The following GLIS3 variants were observed in gnomAD, a reference collection of about 807,000 sequenced individuals.
GLIS3 encodes zinc finger protein GLIS3.
A neutral mutation model predicts 78.6 loss-of-function variants in GLIS3; 53 were observed. The observed-to-expected ratio is 0.67, with a 90% CI of 0.54 to 0.85. GLIS3 has a LOEUF of 0.85. GLIS3 is among the 40% of genes least tolerant of loss of function. The pLI is 0.00. For synonymous variants in GLIS3, 684 were observed against 509.9 expected, an observed-to-expected ratio of 1.34 and a Z score of -4.60; for missense variants, 1,703 against 1,231.1, an observed-to-expected ratio of 1.38 and a Z score of -5.74.
At chr9:4,197,952 G>C (rs1487923274) in intron 2 of GLIS3, among the ~76,000 whole-genome samples, 2 of 151,908 alleles carry the variant, frequency 1.3e-5, no homozygotes, top group South Asian at 2.1e-4. Flanking sequence ...GAAAGAGAAA[G>C]AGACAAAAAG....
intron 4 of GLIS3, among the ~76,000 whole-genome samples, chr9:4,093,707 G>C (rs546250260): frequency 6.6e-6 from 1 of 152,248 alleles, no homozygotes; most frequent in East Asian, 1.9e-4. Flanking sequence ...TAACCCACTG[G>C]CTGAGTTTGA....
At chr9:4,123,338 G>C (rs1231725987) in intron 3 of GLIS3, among the ~76,000 whole-genome samples, 1 of 152,128 alleles carries the variant, frequency 6.6e-6, no homozygotes, top group African/African-American at 2.4e-5. Context: ...TAAATTGCTA[G>C]TGAGTTCCTG....
intron 2 of GLIS3, among the ~76,000 whole-genome samples, chr9:4,149,073 G>A (rs1444279469): frequency 6.6e-6 from 1 of 152,094 alleles, no homozygotes; most frequent in Non-Finnish European, 1.5e-5. Flanking sequence ...CTATCAACAT[G>A]GTGATCATGC....
At chr9:4,064,969 G>C (rs1297753468) in intron 4 of GLIS3, among the ~76,000 whole-genome samples, 1 of 152,102 alleles carries the variant, frequency 6.6e-6, no homozygotes, top group African/African-American at 2.4e-5. Flanking sequence ...CATCCTCCAG[G>C]GGCAGGGCAA....
chr9:4,416,684 G>C, the GLIS3 span, among the ~76,000 whole-genome samples: 3 of 151,818 alleles, frequency 2.0e-5, no homozygotes, highest in South Asian at 6.2e-4. Flanking sequence ...ACTTCCTCTG[G>C]GACACCTTCC....
At chr9:4,463,766 C>A in the GLIS3 span, among the ~76,000 whole-genome samples, 2 of 152,192 alleles carry the variant, frequency 1.3e-5, no homozygotes, top group Admixed American at 6.5e-5. Context: ...CTACTTTACA[C>A]AGTTTTCTCC....
At chr9:4,197,788 C>T (rs1262916162) in intron 2 of GLIS3, among the ~76,000 whole-genome samples, 1 of 152,144 alleles carries the variant, frequency 6.6e-6, no homozygotes, top group African/African-American at 2.4e-5. Flanking sequence ...TACTCATCTG[C>T]GCCATCTACT....
chr9:4,490,351 T>C, the GLIS3 span: 1 of 183,624 alleles, frequency 5.4e-6, no homozygotes, highest in Non-Finnish European at 1.1e-5. Flanking sequence ...ACCCCGGGCG[T>C]CCCACGCACG....
intron 4 of GLIS3, among the ~76,000 whole-genome samples, chr9:4,017,518 A>G (rs1294415946): frequency 6.6e-6 from 1 of 152,174 alleles, no homozygotes; most frequent in Non-Finnish European, 1.5e-5. Flanking sequence ...AGGCAAACAT[A>G]AGCAACTGGA....
chr9:3,856,793 A>G (rs189236385), intron 8 of GLIS3, among the ~76,000 whole-genome samples: 1 of 152,312 alleles, frequency 6.6e-6, no homozygotes, highest in East Asian at 1.9e-4. Context: ...CGTGCTTGGC[A>G]AAGAGTGTTC....
chr9:4,076,482 C>A (rs780385887), intron 4 of GLIS3, among the ~76,000 whole-genome samples: 1 of 151,980 alleles, frequency 6.6e-6, no homozygotes, highest in Non-Finnish European at 1.5e-5. Flanking sequence ...TTCTTTCTTA[C>A]AAAAGGAAAA....
intron 7 of GLIS3, among the ~76,000 whole-genome samples, chr9:3,897,134 T>A (rs1436203545): frequency 6.6e-6 from 1 of 152,160 alleles, no homozygotes; most frequent in South Asian, 2.1e-4. Flanking sequence ...TCCATAGATA[T>A]GGATAGCATT....
intron 2 of GLIS3, among the ~76,000 whole-genome samples, chr9:4,129,725 C>G (rs185534218): frequency 3.3e-5 from 5 of 152,240 alleles, no homozygotes; most frequent in African/African-American, 7.2e-5. Context: ...TCGGGTATTT[C>G]TTTATAGCAA....
chr9:4,291,773 C>T (rs78587148), intron 1 of GLIS3, among the ~76,000 whole-genome samples: 68 of 152,234 alleles, frequency 4.5e-4, no homozygotes, highest in African/African-American at 1.5e-3. Flanking sequence ...AGGAATACAC[C>T]GCTCGAGGGC....
At chr9:4,100,390 G>A (rs1002152663) in intron 4 of GLIS3, among the ~76,000 whole-genome samples, 1 of 152,110 alleles carries the variant, frequency 6.6e-6, no homozygotes, top group Admixed American at 6.6e-5. Context: ...TTTTAAATGG[G>A]GGAGTACAAC....
chr9:4,063,928 A>G (rs546257105), intron 4 of GLIS3, among the ~76,000 whole-genome samples: 21 of 152,218 alleles, frequency 1.4e-4, no homozygotes, highest in African/African-American at 4.8e-4. Context: ...AATCATAAGT[A>G]AAGAAGAACA....
chr9:4,489,462 T>A, the GLIS3 span, among the ~76,000 whole-genome samples: 1 of 152,138 alleles, frequency 6.6e-6, no homozygotes, highest in Non-Finnish European at 1.5e-5. Context: ...CCAGGCTCAC[T>A]TAACTTTAGG....
chr9:4,012,779 T>C (rs1263171962), intron 4 of GLIS3, among the ~76,000 whole-genome samples: 1 of 145,022 alleles, frequency 6.9e-6, no homozygotes, highest in Non-Finnish European at 1.5e-5. Context: ...TTTTTTTTTT[T>C]TTTTTTTTTT....
At chr9:4,026,820 A>T (rs1012455965) in intron 4 of GLIS3, among the ~76,000 whole-genome samples, 12 of 152,218 alleles carry the variant, frequency 7.9e-5, no homozygotes, top group African/African-American at 2.9e-4. Flanking sequence ...CTATTGGCCA[A>T]ACACTGTAAA....
Sources: gnomAD v4.1 joint callset for allele counts (sites outside exome capture counted in the v4.1 genomes callset) on GRCh38, gnomAD v4.1.1 for gene constraint, MANE v1.5 for transcripts, NCBI Gene and HGNC (gene_info 2026-07-23, HGNC 2026-07-21) for gene names.